Variants in ACBD6 observed in about 807,000 individuals in gnomAD.
The protein encoded by ACBD6 is acyl-CoA binding domain containing 6, also known as acyl-CoA-binding domain-containing protein 6.
A neutral mutation model predicts 37.2 loss-of-function variants in ACBD6; 28 were observed. The ratio of observed to expected loss-of-function variants is 0.75; its 90% CI spans 0.56 to 1.03. The LOEUF (loss-of-function observed/expected upper bound fraction) is 1.03, where lower values mean the gene tolerates loss of function less well. Ranked by LOEUF, ACBD6 falls within the 50% of genes least tolerant of loss-of-function variation. The pLI is 0.00. For missense variants in ACBD6, 340 were observed against 337.4 expected (o/e 1.01, Z -0.06); for synonymous variants, 113 against 126.8 (o/e 0.89, Z 0.73).
At chr1:180,437,460 C>T (rs369906141) in intron 3 of ACBD6, among the ~76,000 whole-genome samples, 14 of 152,292 alleles carry the variant, frequency 9.2e-5, no homozygotes, top group Admixed American at 5.2e-4. Flanking sequence ...GAAATCCCCA[C>T]GTATTTGGTC....
At chr1:180,500,386 C>T (rs1437201336) in intron 1 of ACBD6, among the ~76,000 whole-genome samples, 1 of 152,112 alleles carries the variant, frequency 6.6e-6, no homozygotes, top group Non-Finnish European at 1.5e-5. Flanking sequence ...TCCTCAAGTA[C>T]TTTAAGTCTC....
intron 3 of ACBD6, among the ~76,000 whole-genome samples, chr1:180,489,699 C>T (rs1284470281): frequency 6.6e-6 from 1 of 151,864 alleles, no homozygotes; most frequent in African/African-American, 2.4e-5. Context: ...CTCTGTCGCC[C>T]AGGCTGGAGT....
intron 6 of ACBD6, among the ~76,000 whole-genome samples, chr1:180,334,541 T>A (rs1651625419): frequency 6.6e-6 from 1 of 151,836 alleles, no homozygotes; most frequent in Non-Finnish European, 1.5e-5. Context: ...CAAAGGTAGA[T>A]AAAACCACAA....
chr1:180,424,923 G>A (rs78318002), intron 4 of ACBD6, among the ~76,000 whole-genome samples: 1 of 152,258 alleles, frequency 6.6e-6, no homozygotes, highest in Non-Finnish European at 1.5e-5. Context: ...GTGAATATGA[G>A]AGCCAGGAGA....
At position 180,415,332 on chromosome 1, in the gene ACBD6, G is replaced by A. The variant is rs759738190; in HGVS notation, c.468-1861C>T. 1.2e-4 allele frequency among the ~76,000 whole-genome samples: 18 copies of A among 151,934 alleles called. 1 individual carries two copies. The highest frequency in any genetic ancestry group is 8.3e-4 in the South Asian group (4 of 4,794). On this transcript the variant is annotated intron_variant, in intron 4 of 7. Transcript: ENST00000367595. The stretch of plus-strand genomic sequence containing the variant: ...GAATCACTTGAACCCAGGAGGCAGA[G>A]GTTGCAGTGAGCCGAGATCATACCA...
chr1:180,291,783 T>G (rs1458032606), intron 7 of ACBD6, among the ~76,000 whole-genome samples: 1 of 152,202 alleles, frequency 6.6e-6, no homozygotes, highest in Non-Finnish European at 1.5e-5. Context: ...ATCACAAAGA[T>G]ATTCTTCTAG....
intron 3 of ACBD6, among the ~76,000 whole-genome samples, chr1:180,472,010 A>G (rs926134798): frequency 6.6e-6 from 1 of 152,260 alleles, no homozygotes; most frequent in African/African-American, 2.4e-5. Flanking sequence ...ATTTATAAAC[A>G]AAGAAAAATG....
intron 6 of ACBD6, among the ~76,000 whole-genome samples, chr1:180,333,351 T>G (rs1651562136): frequency 6.6e-6 from 1 of 152,190 alleles, no homozygotes; most frequent in Non-Finnish European, 1.5e-5. Context: ...CAATCTGTTG[T>G]GACAACACAA....
intron 7 of ACBD6, among the ~76,000 whole-genome samples, chr1:180,306,561 T>C (rs1429974034): frequency 6.6e-6 from 1 of 152,156 alleles, no homozygotes; most frequent in Non-Finnish European, 1.5e-5. Flanking sequence ...ATGGAAACCA[T>C]ACTGTATGTA....
chr1:180,300,343 A>G (rs1048771012), intron 7 of ACBD6, among the ~76,000 whole-genome samples: 1 of 152,188 alleles, frequency 6.6e-6, no homozygotes, highest in African/African-American at 2.4e-5. Flanking sequence ...AATGAATAAC[A>G]AATATGCCCA....
intron 3 of ACBD6, among the ~76,000 whole-genome samples, chr1:180,434,014 A>G (rs150984726): frequency 7.0e-4 from 107 of 152,214 alleles, no homozygotes; most frequent in African/African-American, 2.5e-3. Context: ...CACCCTACAC[A>G]TCTCCTTGTA....
intron 4 of ACBD6, among the ~76,000 whole-genome samples, chr1:180,420,780 T>C (rs181919349): frequency 2.8e-4 from 42 of 152,324 alleles, no homozygotes; most frequent in African/African-American, 9.9e-4. Context: ...GTTTACCTTT[T>C]CCCTTCAAGG....
chr1:180,371,518 C>T (rs749590916), intron 6 of ACBD6, among the ~76,000 whole-genome samples: 1 of 152,090 alleles, frequency 6.6e-6, no homozygotes, highest in Non-Finnish European at 1.5e-5. Context: ...CTAACCTACC[C>T]TCTGAGTCCT....
intron 9 of ACBD6, chr1:180,278,882 T>G (rs1366072441): frequency 6.6e-6 from 1 of 152,098 alleles, no homozygotes; most frequent in Non-Finnish European, 1.5e-5. Context: ...CCATATGACT[T>G]TGGAAAACAG....
chr1:180,314,817 G>T, intron 6 of ACBD6, 95 bp from the exon 7 acceptor site: 1 of 916,830 alleles, frequency 1.1e-6, no homozygotes, highest in South Asian at 1.4e-5. Flanking sequence ...ATATACCAAA[G>T]TTCCATAGGT....
At chr1:180,311,479 C>T (rs567582817) in intron 7 of ACBD6, among the ~76,000 whole-genome samples, 32 of 152,140 alleles carry the variant, frequency 2.1e-4, no homozygotes, top group Non-Finnish European at 4.0e-4. Context: ...ACTCTGTCAA[C>T]CAAGCTGGAG....
intron 6 of ACBD6, among the ~76,000 whole-genome samples, chr1:180,321,776 T>G (rs1475824221): frequency 5.3e-5 from 8 of 152,104 alleles, no homozygotes. Flanking sequence ...AGTCTTTAGG[T>G]TTTCCAAAAT....
At chr1:180,420,838 C>A (rs1323370891) in intron 4 of ACBD6, among the ~76,000 whole-genome samples, 1 of 152,038 alleles carries the variant, frequency 6.6e-6, no homozygotes, top group Non-Finnish European at 1.5e-5. Flanking sequence ...GATCATAAAC[C>A]CGCCTGAATT....
At chr1:180,452,171 C>T (rs371440565) in intron 3 of ACBD6, among the ~76,000 whole-genome samples, 1 of 151,974 alleles carries the variant, frequency 6.6e-6, no homozygotes, top group African/African-American at 2.4e-5. Flanking sequence ...AAATCGACAC[C>T]CTAACATCAC....
Sources: gnomAD v4.1 joint callset for allele counts (sites outside exome capture counted in the v4.1 genomes callset) on GRCh38, gnomAD v4.1.1 for gene constraint, MANE v1.5 for transcripts, NCBI Gene and HGNC (gene_info 2026-07-23, HGNC 2026-07-21) for gene names.